Variants in REST observed in about 807,000 individuals in gnomAD.
REST encodes RE1-silencing transcription factor.
Under a neutral mutation model 30.4 loss-of-function variants are expected in REST, and 1 was observed. The observed-to-expected ratio is 0.03, with a 90% CI of 0.01 to 0.16. The LOEUF (loss-of-function observed/expected upper bound fraction) is 0.16. REST is among the 10% of genes least tolerant of loss of function. The pLI, the probability that REST is intolerant of heterozygous loss-of-function variation, is 1.00. For synonymous variants in REST, 504 were observed against 451.1 expected (o/e 1.12, Z -1.49); for missense variants, 1,259 against 1,329.5 (o/e 0.95, Z 0.82).
rs1347814421 is a variant in REST, at chr4:56,934,049, CT to C, written c.*1899del. The C allele has an allele frequency of 6.6e-6, 1 of 152,114 alleles. No individual in the cohort carries two copies. Among genetic ancestry groups the C allele is most frequent in the Non-Finnish European group, 1.5e-5 (1 of 68,010 alleles). 9.4% of individuals were successfully genotyped at this position (152,114 alleles called of 1,614,324 possible). On this transcript the variant is annotated 3_prime_UTR_variant, in exon 4 of 4. Transcript: ENST00000309042. Reference sequence around the variant, plus strand: ...ATTTAAAGAAGCGGAAGATTCTTCTCTTAAGACATGAGGAGTAAGTTGTGTG... The same window carrying C: ...ATTTAAAGAAGCGGAAGATTCTTCTCTAAGACATGAGGAGTAAGTTGTGTG...
intron 3 of REST, among the ~76,000 whole-genome samples, chr4:56,927,077 C>T (rs1489909696): frequency 6.8e-6 from 1 of 148,126 alleles, no homozygotes; most frequent in Non-Finnish European, 1.5e-5. Flanking sequence ...GACTGGGCAA[C>T]AAGAGTGAAA....
intron 2 of REST, among the ~76,000 whole-genome samples, chr4:56,918,695 A>G (rs1333749700): frequency 6.6e-6 from 1 of 151,912 alleles, no homozygotes; most frequent in Non-Finnish European, 1.5e-5. Flanking sequence ...GTGAGACTAC[A>G]GGGTCTCACT....
At chr4:56,915,029 A>G (rs1482745961) in intron 2 of REST, among the ~76,000 whole-genome samples, 47 of 148,564 alleles carry the variant, frequency 3.2e-4, no homozygotes, top group Non-Finnish European at 1.5e-5. Context: ...GGTACAAGCA[A>G]TTATCCTGCC....
intron 3 of REST, among the ~76,000 whole-genome samples, chr4:56,920,312 C>T (rs751395278): frequency 1.3e-5 from 2 of 150,516 alleles, no homozygotes; most frequent in African/African-American, 2.5e-5. Flanking sequence ...AAGGTTTGGT[C>T]GAGCTTTTGA....
At chr4:56,925,007 A>G (rs964311723) in intron 3 of REST, among the ~76,000 whole-genome samples, 16 of 151,994 alleles carry the variant, frequency 1.1e-4, no homozygotes, top group Non-Finnish European at 1.8e-4. Flanking sequence ...CTCTGCTAAA[A>G]TACAAAAATT....
chr4:56,914,905 AT>A (rs11321935), intron 2 of REST, among the ~76,000 whole-genome samples: 63,708 of 118,020 alleles, frequency 0.54, 17,389 homozygotes, highest in African/African-American at 0.69. Flanking sequence ...CTTCATTCTG[AT>A]TTTTTTTTTT....
chr4:56,918,924 G>A (rs1372759280), intron 2 of REST, among the ~76,000 whole-genome samples: 1 of 151,438 alleles, frequency 6.6e-6, no homozygotes, highest in Admixed American at 6.6e-5. Context: ...GCCTGTCTTG[G>A]CCTCCCAAAG....
chr4:56,935,457 A>C lies in REST; in HGVS notation c.*3305A>C, dbSNP rs534157866. 1 of 152,324 alleles carries C rather than the reference A, an allele frequency of 6.6e-6. No homozygotes were observed. The highest frequency in any genetic ancestry group is 1.9e-4 in the East Asian group (1 of 5,182). The allele number at this position is 152,324 out of a possible 1,614,324, so 9.4% of individuals were successfully genotyped here. Reference sequence around the variant, plus strand: ...AATCAGATAGCTTTTACAGTTTCACATGTGTACATAGGTTCCCTCCCGGTC... The same window carrying C: ...AATCAGATAGCTTTTACAGTTTCACCTGTGTACATAGGTTCCCTCCCGGTC... On this transcript the variant is annotated 3_prime_UTR_variant, in exon 4 of 4. Transcript: ENST00000309042.
intron 3 of REST, among the ~76,000 whole-genome samples, chr4:56,929,091 A>G (rs1470213789): frequency 6.9e-6 from 1 of 145,768 alleles, no homozygotes; most frequent in African/African-American, 2.6e-5. Context: ...TTTCTTTGAG[A>G]CACAGTCTCG....
chr4:56,926,583 A>G (rs1049441831), intron 3 of REST, among the ~76,000 whole-genome samples: 8 of 151,338 alleles, frequency 5.3e-5, no homozygotes, highest in Non-Finnish European at 1.2e-4. Context: ...CAAATTTTAT[A>G]TTTTTACAAA....
At chr4:56,913,968 C>G (rs1404422629) in intron 2 of REST, among the ~76,000 whole-genome samples, 1 of 149,304 alleles carries the variant, frequency 6.7e-6, no homozygotes, top group African/African-American at 2.5e-5. Flanking sequence ...GATAGTTTTA[C>G]TTTGTCACCC....
Position 56,922,298 on chromosome 4 carries a change from TATTATTATTATTATTAC to T in REST, c.982+2429_982+2445del, listed in dbSNP as rs1236499097. The T allele has an allele frequency of 2.9e-5, 4 of 137,512 alleles. 1 individual carries two copies. Among genetic ancestry groups the T allele is most frequent in the East Asian group, 2.0e-4 (1 of 4,950 alleles). The allele number at this position is 137,512 out of a possible 1,614,324, so 8.5% of individuals were successfully genotyped here. On this transcript the variant is annotated intron_variant, in intron 3 of 3. Coordinates refer to ENST00000309042, the MANE Select transcript of REST (RefSeq NM_005612.5). ...TTTGTATTATTATTATTATTATTAT[TATTATTATTATTATTAC>T]TTTTTTTTTTTTTCTGAGATGGAGT...
chr4:56,917,865 C>G (rs1357145663), intron 2 of REST, among the ~76,000 whole-genome samples: 1 of 151,236 alleles, frequency 6.6e-6, no homozygotes, highest in Non-Finnish European at 1.5e-5. Context: ...TCCTGGCTAA[C>G]AAGGTGAAAC....
At position 56,911,436 on chromosome 4, in the gene REST, T is replaced by C. The variant is rs771132795; in HGVS notation, c.798T>C (p.His266=). 5 of 1,614,016 alleles carry C rather than the reference T, an allele frequency of 3.1e-6. No individual in the cohort carries two copies. In the African/African-American group the frequency reaches 6.7e-5, roughly 22 times the overall value. Residue 266 remains histidine, a synonymous_variant, in exon 2 of 4, where the codon CAT becomes CAC. Coordinates refer to ENST00000309042, the MANE Select transcript of REST (RefSeq NM_005612.5). ...TTVSEYHWRK[H]LRNHFPRKVY... is the part of the protein sequence containing the mutation. ...TGAGCGAGTATCACTGGAGGAAACA[T>C]TTAAGAAACCATTTTCCAAGGAAAG...
At position 56,930,906 on chromosome 4, in the gene REST, C is replaced by A. The variant is rs768151863; in HGVS notation, c.2048C>A (p.Ala683Asp). The A allele has an allele frequency of 2.5e-6, 4 of 1,613,744 alleles. No individual in the cohort carries two copies. Among genetic ancestry groups the A allele is most frequent in the African/African-American group, 1.3e-5 (1 of 75,040 alleles). ...ATGGTGGGTGCCCAAATTGTACTTG[C>A]TCACATGGAGCTGCCTCCTCCCATG... is the stretch of plus-strand genomic sequence containing the variant. ...AQMVGAQIVL[A>D]HMELPPPMET... The change falls in exon 4 of 4, where the codon GCT (alanine) becomes GAT (aspartate). Residue 683 changes from alanine (A) to aspartate (D), a missense_variant. Around this residue, in one of 5 missense-constraint regions of REST, gnomAD observed 856 missense variants for 772.8 expected, o/e 1.11. Coordinates refer to ENST00000309042, the MANE Select transcript of REST (RefSeq NM_005612.5).
chr4:56,926,775 A>G (rs1720730510), intron 3 of REST, among the ~76,000 whole-genome samples: 2 of 151,898 alleles, frequency 1.3e-5, no homozygotes, highest in African/African-American at 4.8e-5. Context: ...GATTATTTAT[A>G]GCTCACAACA....
At chr4:56,918,556 TTTTA>T (rs1244652918) in intron 2 of REST, among the ~76,000 whole-genome samples, 2 of 152,128 alleles carry the variant, frequency 1.3e-5, no homozygotes, top group Non-Finnish European at 2.9e-5. Flanking sequence ...GCTTAATGTT[TTTTA>T]TTTATTTTTA....
chr4:56,930,980 C>T lies in REST; in HGVS notation c.2122C>T (p.Pro708Ser). Residue 708 changes from proline to serine, a missense_variant, in exon 4 of 4, where the codon CCT (proline) becomes TCT (serine). By Grantham distance (74) the Pro-to-Ser change is moderately conservative. Coordinates refer to ENST00000309042, the MANE Select transcript of REST (RefSeq NM_005612.5). ...VAQMGPAPME[P>S]AQMEVAQVES... ...CCAAATGGGGCCTGCTCCCATGGAA[C>T]CTGCTCAGATGGAGGTTGCCCAGGT... 6.2e-7 allele frequency: 1 copy of T among 1,614,124 alleles called. No individual in the cohort carries two copies. The highest frequency in any genetic ancestry group is 8.5e-7 in the Non-Finnish European group (1 of 1,180,010).
chr4:56,913,726 A>G (rs1016830885), intron 2 of REST, among the ~76,000 whole-genome samples: 2 of 151,906 alleles, frequency 1.3e-5, no homozygotes, highest in Non-Finnish European at 2.9e-5. Flanking sequence ...TCGGCTCACT[A>G]CAACCTCCAC....
Sources: allele counts gnomAD v4.1 joint callset (sites outside exome capture counted in the v4.1 genomes callset), GRCh38; gene constraint gnomAD v4.1.1; regional missense constraint gnomAD v4.1.1; transcripts MANE v1.5; gene names NCBI Gene and HGNC (gene_info 2026-07-23, HGNC 2026-07-21).